The following ABCA4 variants were observed in gnomAD, a reference collection of about 807,000 sequenced individuals.
ABCA4 encodes retinal-specific phospholipid-transporting ATPase ABCA4.
Under a neutral mutation model 263.7 loss-of-function variants are expected in ABCA4, and 196 were observed. The ratio of observed to expected loss-of-function variants is 0.74; its 90% CI spans 0.66 to 0.84. ABCA4 has a LOEUF of 0.84. ABCA4 is among the 40% of genes least tolerant of loss of function. The pLI is 0.00. For synonymous variants in ABCA4, 1,133 were observed against 1,094.2 expected (o/e 1.04, Z -0.70); for missense variants, 2,792 against 2,855.1 (o/e 0.98, Z 0.50).
chr1:94,060,837 T>A, intron 13 of ABCA4, 78 bp from the exon 14 acceptor site: 3 of 1,231,590 alleles, frequency 2.4e-6, no homozygotes. Context: ...GTTGAATGAA[T>A]GTGTTGAGAA....
At chr1:94,100,319 G>A (rs898832515) in intron 5 of ABCA4, among the ~76,000 whole-genome samples, 5 of 152,196 alleles carry the variant, frequency 3.3e-5, no homozygotes, top group East Asian at 3.9e-4. Flanking sequence ...TGTGTCAGGC[G>A]CCCTTCCAAG....
Position 94,008,863 on chromosome 1 carries a change from T to C in ABCA4, c.5723A>G (p.Glu1908Gly), listed in dbSNP as rs1659471677. The change falls in exon 41 of 50, where the codon GAG becomes GGG. Residue 1908 changes from glutamate to glycine, a missense_variant. Transcript: ENST00000370225. ...RHFFLSQWIA[E>G]PTKEPIVDED... Reference sequence around the variant, plus strand: ...ATCAACAATGGGCTCCTTAGTGGGCTCGGCAATCCTAGATGAAGAAAAGGG... The same window carrying C: ...ATCAACAATGGGCTCCTTAGTGGGCCCGGCAATCCTAGATGAAGAAAAGGG... The C allele has an allele frequency of 6.2e-7, 1 of 1,612,918 alleles. No individual in the cohort carries two copies. Among genetic ancestry groups the C allele is most frequent in the African/African-American group, 1.3e-5 (1 of 74,798 alleles).
chr1:94,090,202 C>T (rs1570415676), intron 6 of ABCA4, among the ~76,000 whole-genome samples: 1 of 152,228 alleles, frequency 6.6e-6, no homozygotes, highest in East Asian at 1.9e-4. Flanking sequence ...TGTTTTCTCT[C>T]ATCAACGGTA....
intron 10 of ABCA4, 54 bp from the exon 11 acceptor site, chr1:94,077,941 T>C: frequency 6.4e-7 from 1 of 1,550,592 alleles, no homozygotes; most frequent in Non-Finnish European, 8.9e-7. Context: ...ATAGGATCTT[T>C]GGTCTTGTTC....
rs771431962 is a variant in ABCA4, at chr1:94,080,606, C to A, written c.971G>T (p.Cys324Phe). 1 of 1,614,164 alleles carries A rather than the reference C, an allele frequency of 6.2e-7. No homozygotes were observed. Residue 324 changes from cysteine to phenylalanine, a missense_variant, in exon 8 of 50, where the codon TGT becomes TTT. Transcript: ENST00000370225. ...AGAGCCACCTCCCTCGGGGTAGCCA[C>A]ACAGGAGGTCAGACAGGATGCCCAT... ...KLMGILSDLLCGYPEGGGSRV... is the reference protein window; with the variant it reads ...KLMGILSDLLFGYPEGGGSRV...
intron 3 of ABCA4, among the ~76,000 whole-genome samples, chr1:94,110,022 G>T (rs1217898365): frequency 1.3e-5 from 2 of 152,044 alleles, no homozygotes; most frequent in Non-Finnish European, 2.9e-5. Flanking sequence ...AAAGCTCCAT[G>T]CAGCCTCCAC....
At chr1:94,039,988 A>T (rs1660442556) in intron 24 of ABCA4, 55 bp downstream of exon 24, 1 of 1,435,014 alleles carries the variant, frequency 7.0e-7, no homozygotes, top group African/African-American at 1.4e-5. Flanking sequence ...CACACCCAGC[A>T]ATACTGGGAG....
chr1:94,063,801 C>A (rs1570394504), intron 11 of ABCA4, among the ~76,000 whole-genome samples: 1 of 152,074 alleles, frequency 6.6e-6, no homozygotes, highest in Non-Finnish European at 1.5e-5. Context: ...GAGGGAAGAG[C>A]AAGGAGGAAG....
chr1:94,030,782 C>T (rs1017543371), intron 28 of ABCA4, among the ~76,000 whole-genome samples: 14 of 152,286 alleles, frequency 9.2e-5, no homozygotes, highest in East Asian at 5.8e-4. Flanking sequence ...TTTCCCCATT[C>T]GGCCTTCCCA....
chr1:94,120,887 G>GGCCCCCCCCC, intron 1 of ABCA4, 93 bp downstream of exon 1: 7 of 339,360 alleles, frequency 2.1e-5, no homozygotes, highest in East Asian at 5.1e-5. Context: ...CCCCCACCCT[G>GGCCCCCCCCC]CCCCACCACC....
chr1:94,037,281 C>A lies in ABCA4; in HGVS notation c.3677G>T (p.Gly1226Val). 1.2e-6 allele frequency: 2 copies of A among 1,614,194 alleles called. No individual in the cohort carries two copies. The highest frequency in any genetic ancestry group is 1.7e-6 in the Non-Finnish European group (2 of 1,180,040). Residue 1226 changes from glycine to valine, a missense_variant, in exon 25 of 50, where the codon GGT becomes GTT. Physicochemically the swap from Gly to Val is moderately radical, Grantham distance 109. Coordinates refer to ENST00000370225, the MANE Select transcript of ABCA4 (RefSeq NM_000350.3). ...TGGAAGAAGGAAGATAAGTTCTTGA[C>A]CAATGCACTCCACCAGCTTTGCCTC... Reference protein sequence around the residue: ...VPEAKLVECIGQELIFLLPNK... With the variant: ...VPEAKLVECIVQELIFLLPNK...
chr1:94,049,938 GTC>G (rs1162183974), intron 17 of ABCA4, among the ~76,000 whole-genome samples: 1 of 152,196 alleles, frequency 6.6e-6, no homozygotes, highest in East Asian at 1.9e-4. Flanking sequence ...GGGCCAGTCA[GTC>G]TGCCAGAGAG....
In ABCA4 at chr1:93,996,204, A is replaced by G; in HGVS notation, c.6730-9T>C. 1 of 1,602,636 alleles carries G rather than the reference A, an allele frequency of 6.2e-7. No homozygotes were observed. The highest frequency in any genetic ancestry group is 1.1e-5 in the South Asian group (1 of 90,858). ...GCAAAATTTACAAACACCTAGAGGT[A>G]AGAGAAGAGCGAGATTAGGTAGATA... On this transcript the variant is annotated splice_polypyrimidine_tract_variant and intron_variant, in intron 48 of 49. Coordinates refer to ENST00000370225, the MANE Select transcript of ABCA4 (RefSeq NM_000350.3).
chr1:94,094,784 A>G (rs1228510846), intron 6 of ABCA4, among the ~76,000 whole-genome samples: 1 of 152,056 alleles, frequency 6.6e-6, no homozygotes, highest in Non-Finnish European at 1.5e-5. Context: ...GGGGAAGGAG[A>G]AGGAGGGGCA....
chr1:94,086,424 G>A (rs1381876411), intron 6 of ABCA4, among the ~76,000 whole-genome samples: 1 of 152,124 alleles, frequency 6.6e-6, no homozygotes, highest in Non-Finnish European at 1.5e-5. Flanking sequence ...CCTGTTAGAA[G>A]TGGATGTAAT....
At chr1:94,021,450 C>A in intron 34 of ABCA4, 41 bp from the exon 35 acceptor site, 1 of 1,612,546 alleles carries the variant, frequency 6.2e-7, no homozygotes, top group Non-Finnish European at 8.5e-7. Context: ...GCACTAACAG[C>A]TAGTTAAAGC....
chr1:94,105,995 A>G (rs1662424596), intron 4 of ABCA4, among the ~76,000 whole-genome samples: 2 of 152,150 alleles, frequency 1.3e-5, no homozygotes, highest in African/African-American at 4.8e-5. Flanking sequence ...GGTGAATCTC[A>G]ACAGACTGAA....
chr1:94,002,961 T>C (rs1276657070), intron 44 of ABCA4, among the ~76,000 whole-genome samples: 2 of 150,678 alleles, frequency 1.3e-5, no homozygotes, highest in African/African-American at 5.0e-5. Flanking sequence ...TAAAAATAGT[T>C]CATAGAATTA....
intron 45 of ABCA4, 90 bp downstream of exon 45, chr1:94,001,768 T>C: frequency 1.3e-6 from 2 of 1,595,892 alleles, no homozygotes; most frequent in Non-Finnish European, 1.7e-6. Context: ...TGCTGCAGTT[T>C]CTAAATCTGC....
Sources: gnomAD v4.1 joint callset for allele counts (sites outside exome capture counted in the v4.1 genomes callset) on GRCh38, gnomAD v4.1.1 for gene constraint, MANE v1.5 for transcripts, NCBI Gene and HGNC (gene_info 2026-07-23, HGNC 2026-07-21) for gene names.